UBR4: variants seen among roughly 807,000 people sequenced by gnomAD.
UBR4 encodes E3 ubiquitin-protein ligase UBR4.
UBR4 carries 124 observed loss-of-function variants against 575.6 expected under a neutral mutation model. The observed-to-expected ratio is 0.22, with a 90% CI of 0.19 to 0.25. UBR4 has a LOEUF of 0.25. UBR4 is among the 10% of genes least tolerant of loss of function. The pLI, the probability that UBR4 is intolerant of heterozygous loss-of-function variation, is 1.00. For synonymous variants in UBR4, 2,455 were observed against 2,473.7 expected (o/e 0.99, Z 0.22); for missense variants, 4,818 against 6,478.8 (o/e 0.74, Z 8.80).
At chr1:19,105,493 C>T (rs1223534887) in intron 84 of UBR4, among the ~76,000 whole-genome samples, 2 of 152,194 alleles carry the variant, frequency 1.3e-5, no homozygotes, top group African/African-American at 4.8e-5. Flanking sequence ...TGCACTCAAT[C>T]TCGATCAATA....
At position 19,110,940 on chromosome 1, in the gene UBR4, GC is replaced by G; in HGVS notation, c.11802-109del. 8.7e-7 allele frequency: 1 copy of G among 1,148,936 alleles called. No individual in the cohort carries two copies. Among genetic ancestry groups the G allele is most frequent in the Non-Finnish European group, 1.2e-6 (1 of 812,950 alleles). 71.2% of individuals were successfully genotyped at this position (1,148,936 alleles called of 1,614,324 possible). A position where few individuals can be genotyped will look rare whatever the true frequency, so the allele number is the denominator to read the frequency against. On this transcript the variant is annotated intron_variant, in intron 78 of 105. Transcript: ENST00000375254. This position sits in a 1 kb window ranked among gnomAD's most constrained non-coding sequence, Gnocchi z 4.5. ...TGAAATCAATGTCTAAGGCTACCTG[GC>G]CCCAAATTTTCTACTTCCTTCCCGG... is the stretch of plus-strand genomic sequence containing the variant.
At chr1:19,201,577 T>A in intron 2 of UBR4, 141 bp downstream of exon 2, 1 of 601,810 alleles carries the variant, frequency 1.7e-6, no homozygotes, top group East Asian at 3.2e-5. Flanking sequence ...AGCTGACAGT[T>A]GTCTCTACTC....
In UBR4 at chr1:19,155,015, T is replaced by A. The variant is rs1313253579; in HGVS notation, c.6361A>T (p.Met2121Leu). 1 of 1,614,040 alleles carries A rather than the reference T, an allele frequency of 6.2e-7. No homozygotes were observed. Among genetic ancestry groups the A allele is most frequent in the Admixed American group, 1.7e-5 (1 of 59,996 alleles). ...CCTTGACAATAGCTGAAGAACAACA[T>A]CTGCAACACGTGGGAGTAGTACACG... is the stretch of plus-strand genomic sequence containing the variant. The part of the protein sequence containing the change: ...VSVYYSHVLQ[M>L]LFFSYCQGKS... Residue 2121 changes from methionine (M) to leucine (L), a missense_variant, in exon 44 of 106, where the codon ATG (methionine) becomes TTG (leucine). This residue lies in a region of UBR4 where 461 missense variants were observed against 606.9 expected (regional missense o/e 0.76). Transcript: ENST00000375254.
At chr1:19,137,723 G>A (rs2149880170) in intron 60 of UBR4, among the ~76,000 whole-genome samples, 1 of 152,268 alleles carries the variant, frequency 6.6e-6, no homozygotes, top group East Asian at 1.9e-4. Context: ...TTTGAGTAAG[G>A]AAGACATGTT....
At chr1:19,144,452 G>C (rs962232322) in intron 54 of UBR4, among the ~76,000 whole-genome samples, 2 of 152,188 alleles carry the variant, frequency 1.3e-5, no homozygotes, top group African/African-American at 4.8e-5. Flanking sequence ...CTTAGCTTCT[G>C]TGAAAGGGTC....
chr1:19,187,076 T>TTA (rs59833909), intron 13 of UBR4, 88 bp downstream of exon 13: 36,213 of 727,250 alleles, frequency 0.05, 335 homozygotes, highest in Non-Finnish European at 0.054. Context: ...CAAGAAAGTT[T>TTA]TATATATATA....
chr1:19,151,542 A>G, intron 48 of UBR4, 101 bp downstream of exon 48: 1 of 1,263,812 alleles, frequency 7.9e-7, no homozygotes, highest in Non-Finnish European at 1.2e-6. Context: ...AAAAATCAGC[A>G]GAGTGGAGAG....
chr1:19,149,625 A>T, intron 49 of UBR4: 1 of 723,144 alleles, frequency 1.4e-6, no homozygotes, highest in Non-Finnish European at 2.0e-6. Flanking sequence ...ACAGCTCTGT[A>T]GCCATGCAAT....
At chr1:19,164,187 AT>A in intron 33 of UBR4, 65 bp downstream of exon 33, 1 of 1,531,690 alleles carries the variant, frequency 6.5e-7, no homozygotes, top group African/African-American at 1.4e-5. Context: ...ACTTTGAGCT[AT>A]AAAGAAAGTA....
At position 19,190,292 on chromosome 1, in the gene UBR4, C is replaced by CAAAAAAAA. The variant is rs1184892281; in HGVS notation, c.1394+1888_1394+1895dup. Among the ~76,000 whole-genome samples the CAAAAAAAA allele has an allele frequency of 2.0e-3, 81 of 40,350 alleles. 4 individuals are homozygous for CAAAAAAAA. The East Asian group carries it at 0.04, about 20-fold the overall frequency. 26.5% of individuals were successfully genotyped at this position (40,350 alleles called of 152,430 possible). On this transcript the variant is annotated intron_variant, in intron 11 of 105. Transcript: ENST00000375254. ...TGGGCAACAGAGCGAGACTCTGCCT[C>CAAAAAAAA]AAAAAAAAAAAAAAAAAAAAATATA...
chr1:19,110,663 C>T lies in UBR4; in HGVS notation c.11892+79G>A. On this transcript the variant is annotated intron_variant, in intron 79 of 105. Coordinates refer to ENST00000375254, the MANE Select transcript of UBR4 (RefSeq NM_020765.3). This position sits in a 1 kb window ranked among gnomAD's most constrained non-coding sequence, Gnocchi z 4.5. Reference sequence around the variant, plus strand: ...CCTTCCCTCCTCAGTCACCGCAGGACCTGGGAGGGGAAGCTGAGAAACACA... The same window carrying T: ...CCTTCCCTCCTCAGTCACCGCAGGATCTGGGAGGGGAAGCTGAGAAACACA... The T allele has an allele frequency of 6.6e-7, 1 of 1,517,700 alleles. No homozygotes were observed. The highest frequency in any genetic ancestry group is 1.1e-5 in the South Asian group (1 of 88,878). The allele number at this position is 1,517,700 out of a possible 1,614,324, so 94.0% of individuals were successfully genotyped here. A position where few individuals can be genotyped will look rare whatever the true frequency, so the allele number is the denominator to read the frequency against.
intron 11 of UBR4, 93 bp from the exon 12 acceptor site, chr1:19,187,633 G>T (rs2091672215): frequency 1.4e-5 from 17 of 1,255,774 alleles, no homozygotes; most frequent in Non-Finnish European, 1.9e-5. Flanking sequence ...TGGGGTTTCA[G>T]ACCCCTTTCA....
chr1:19,197,003 C>T, intron 8 of UBR4, 138 bp downstream of exon 8: 23 of 1,054,314 alleles, frequency 2.2e-5, no homozygotes, highest in Non-Finnish European at 3.1e-5. Flanking sequence ...CCTCATTTCA[C>T]CTTGATGCGA....
intron 11 of UBR4, among the ~76,000 whole-genome samples, chr1:19,188,893 C>G (rs1321604459): frequency 5.6e-4 from 85 of 152,084 alleles, no homozygotes; most frequent in Non-Finnish European, 1.9e-4. Flanking sequence ...CACCAGAGCC[C>G]AGGAGTTCAA....
At chr1:19,176,909 T>C (rs1306166743) in intron 19 of UBR4, among the ~76,000 whole-genome samples, 182 bp from the exon 20 acceptor site, 1 of 152,188 alleles carries the variant, frequency 6.6e-6, no homozygotes, top group Non-Finnish European at 1.5e-5. Context: ...AATAGCTTGG[T>C]ATACCAAAGC....
Position 19,172,964 on chromosome 1 carries a change from T to C in UBR4, c.3421A>G (p.Lys1141Glu). The change falls in exon 25 of 106, where the codon AAG (lysine) becomes GAG (glutamate). Residue 1141 changes from lysine (K) to glutamate (E), a missense_variant. By Grantham distance (56) the Lys-to-Glu change is moderately conservative. Coordinates refer to ENST00000375254, the MANE Select transcript of UBR4 (RefSeq NM_020765.3). ...TGAGGATCAGTCTCAGCAGCCATCT[T>C]AGAAAAATGCTCATCCAAAGAGACC... ...VQVSLDEHFS[K>E]MAAETDPHKS... 5 of 1,614,140 alleles carry C rather than the reference T, an allele frequency of 3.1e-6. No homozygotes were observed. The highest frequency in any genetic ancestry group is 2.5e-6 in the Non-Finnish European group (3 of 1,180,012).
chr1:19,145,820 C>T lies in UBR4; in HGVS notation c.7918G>A (p.Ala2640Thr). ...WKLHASKPKN[A>T]FLAPACLPGL... ...GGAAGGCAGGCAGGTGCCAAGAAGG[C>T]ATTCTTGGGTTTGGATGCATGGAGT... The change falls in exon 53 of 106, where the codon GCC becomes ACC. Residue 2640 changes from alanine (A) to threonine (T), a missense_variant. Coordinates refer to ENST00000375254, the MANE Select transcript of UBR4 (RefSeq NM_020765.3). 1.2e-6 allele frequency: 2 copies of T among 1,614,098 alleles called. No homozygotes were observed. Among genetic ancestry groups the T allele is most frequent in the Middle Eastern group, 1.7e-4 (1 of 6,058 alleles).
At chr1:19,106,002 T>C (rs1288968622) in intron 83 of UBR4, among the ~76,000 whole-genome samples, 160 bp from the exon 84 acceptor site, 1 of 152,098 alleles carries the variant, frequency 6.6e-6, no homozygotes, top group Non-Finnish European at 1.5e-5. Context: ...CACAAGACTC[T>C]ACTGTTTTAG....
chr1:19,167,986 T>C, intron 28 of UBR4, 41 bp downstream of exon 28: 1 of 1,540,768 alleles, frequency 6.5e-7, no homozygotes. Context: ...CACAATAGAA[T>C]ACAGACATAG....
Sources: allele counts gnomAD v4.1 joint callset (sites outside exome capture counted in the v4.1 genomes callset), GRCh38; gene constraint gnomAD v4.1.1; regional missense constraint gnomAD v4.1.1; non-coding constraint Gnocchi (gnomAD v3.1); transcripts MANE v1.5; gene names NCBI Gene and HGNC (gene_info 2026-07-23, HGNC 2026-07-21).